The following TTC6 variants were observed in gnomAD, a reference collection of about 807,000 sequenced individuals.
TTC6 encodes the protein tetratricopeptide repeat protein 6.
Under a neutral mutation model 210.4 loss-of-function variants are expected in TTC6, and 172 were observed. The ratio of observed to expected loss-of-function variants is 0.82; its 90% CI spans 0.72 to 0.93. The LOEUF is 0.93. Ranked by LOEUF, TTC6 falls within the 40% of genes least tolerant of loss-of-function variation. The pLI, the probability that TTC6 is intolerant of heterozygous loss-of-function variation, is 0.00. For missense variants in TTC6, 2,414 were observed against 2,318.1 expected, an observed-to-expected ratio of 1.04 and a Z score of -0.85; for synonymous variants, 804 against 819.6, an observed-to-expected ratio of 0.98 and a Z score of 0.32.
intron 22 of TTC6, 45 bp downstream of exon 24, chr14:37,806,555 G>A (rs1391941158): frequency 2.4e-5 from 35 of 1,430,438 alleles, no homozygotes; most frequent in Non-Finnish European, 2.9e-5. Context: ...TGTTAAGTTT[G>A]GTAAAACTAT....
chr14:37,596,847 T>A (rs72674255), intron 1 of TTC6, among the ~76,000 whole-genome samples: 1 of 152,220 alleles, frequency 6.6e-6, no homozygotes, highest in Non-Finnish European at 1.5e-5. Flanking sequence ...GATACCTTTT[T>A]CCCTGTGCTT....
At chr14:37,701,654 G>GT (rs1219277774) in intron 5 of TTC6, 128 bp downstream of exon 7, 6 of 781,378 alleles carry the variant, frequency 7.7e-6, no homozygotes, top group Middle Eastern at 3.8e-4. Context: ...AGCAGTTTTT[G>GT]TTTTTTTCTG....
intron 1 of TTC6, among the ~76,000 whole-genome samples, chr14:37,672,211 T>C (rs995582737): frequency 3.9e-5 from 6 of 152,114 alleles, no homozygotes; most frequent in Non-Finnish European, 8.8e-5. Flanking sequence ...AGAACTGCAT[T>C]TCCCCTCCCT....
Position 37,767,248 on chromosome 14 carries a change from C to T in TTC6, c.3266+14013C>T, listed in dbSNP as rs58095007. Among the ~76,000 whole-genome samples, 8 of 152,166 alleles carry T rather than the reference C, an allele frequency of 5.3e-5. 1 individual carries two copies. The East Asian group carries it at 5.8e-4, about 11-fold the overall frequency. On this transcript the variant is annotated intron_variant, in intron 14 of 30. Transcript: ENST00000553443. ...AAGTCTTTGCTATTGTGAATAATGC[C>T]GCAGTAAACATACGTGTGCCTGTGT...
At chr14:37,827,287 C>A (rs1416117254) in exon 29 of TTC6, 5 of 1,613,298 alleles carry the variant, frequency 3.1e-6, no homozygotes, top group Middle Eastern at 1.7e-4. Context: ...TACCAAGATG[C>A]AATTACTCTA....
rs532801900 is a variant in TTC6, at chr14:37,665,456, A to T, written c.940-14695A>T. 1.3e-5 allele frequency among the ~76,000 whole-genome samples: 2 copies of T among 150,394 alleles called. 1 individual carries two copies. The highest frequency in any genetic ancestry group is 3.0e-5 in the Non-Finnish European group (2 of 66,984). The stretch of plus-strand genomic sequence containing the variant: ...AGTGGGAGCTGAATGATGAGAACAC[A>T]TGGACACATTGAGGGAGAACAACAC... On this transcript the variant is annotated intron_variant, in intron 1 of 30. Transcript: ENST00000553443.
chr14:37,732,283 C>T (rs1238888329), intron 7 of TTC6, among the ~76,000 whole-genome samples: 4 of 147,886 alleles, frequency 2.7e-5, no homozygotes, highest in South Asian at 2.2e-4. Flanking sequence ...CCTGGTTTCA[C>T]GCCATTCTCC....
intron 14 of TTC6, among the ~76,000 whole-genome samples, chr14:37,771,370 G>A (rs924583913): frequency 2.6e-4 from 40 of 152,216 alleles, no homozygotes; most frequent in Admixed American, 7.2e-4. Context: ...GACTGGGGAA[G>A]TTCTCCTGGA....
At chr14:37,648,113 C>T (rs1037884639) in intron 1 of TTC6, among the ~76,000 whole-genome samples, 3 of 152,024 alleles carry the variant, frequency 2.0e-5, no homozygotes, top group Non-Finnish European at 4.4e-5. Context: ...TGTTTATTAC[C>T]ATATTGGTTT....
At chr14:37,698,620 C>T (rs529597281) in intron 4 of TTC6, among the ~76,000 whole-genome samples, 3 of 152,238 alleles carry the variant, frequency 2.0e-5, no homozygotes, top group Non-Finnish European at 2.9e-5. Context: ...AATGTTTAGA[C>T]TTACCTCTCT....
chr14:37,768,034 C>A (rs1256458738), intron 14 of TTC6, among the ~76,000 whole-genome samples: 1 of 150,526 alleles, frequency 6.6e-6, no homozygotes, highest in Non-Finnish European at 1.5e-5. Context: ...GCCAGTTTTC[C>A]CAGCACCATT....
chr14:37,817,436 AT>A, intron 25 of TTC6, 141 bp from the exon 28 acceptor site: 1 of 670,450 alleles, frequency 1.5e-6, no homozygotes, highest in Non-Finnish European at 2.5e-6. Flanking sequence ...AAAGATGTGT[AT>A]TTTAATGCTT....
upstream of TTC6, among the ~76,000 whole-genome samples, chr14:37,619,364 T>C (rs944832821): frequency 1.3e-5 from 2 of 152,214 alleles, no homozygotes; most frequent in African/African-American, 4.8e-5. Context: ...TTCTTCATAC[T>C]ATCAAACATC....
At chr14:37,817,353 T>C (rs2096144506) in intron 25 of TTC6, among the ~76,000 whole-genome samples, 1 of 152,184 alleles carries the variant, frequency 6.6e-6, no homozygotes, top group African/African-American at 2.4e-5. Flanking sequence ...TGAGTGAGTC[T>C]ACAATAATAG....
intron 5 of TTC6, among the ~76,000 whole-genome samples, chr14:37,704,888 C>A (rs1296967751): frequency 2.6e-5 from 4 of 152,036 alleles, no homozygotes; most frequent in African/African-American, 7.2e-5. Flanking sequence ...ATAAGAAGAA[C>A]ATATTTTAAA....
At chr14:37,702,802 A>T (rs2095828025) in intron 5 of TTC6, among the ~76,000 whole-genome samples, 1 of 152,176 alleles carries the variant, frequency 6.6e-6, no homozygotes, top group East Asian at 1.9e-4. Context: ...GCATCCTTTC[A>T]TGAATTAAAA....
At chr14:37,626,557 A>G (rs1026167647) in intron 1 of TTC6, among the ~76,000 whole-genome samples, 33 of 152,188 alleles carry the variant, frequency 2.2e-4, no homozygotes, top group Non-Finnish European at 7.3e-5. Flanking sequence ...AACCCTGAAC[A>G]TTATATATAA....
intron 6 of TTC6, among the ~76,000 whole-genome samples, chr14:37,722,502 T>G (rs1226029959): frequency 6.6e-6 from 1 of 152,156 alleles, no homozygotes. Flanking sequence ...CACATGCCAT[T>G]ACACCTGGCT....
exon 23 of TTC6, chr14:37,807,459 A>G: frequency 2.0e-6 from 3 of 1,483,820 alleles, no homozygotes; most frequent in Non-Finnish European, 2.7e-6. Context: ...TACTACAACA[A>G]GGTAGGGCCA....
Sources: allele counts gnomAD v4.1 joint callset (sites outside exome capture counted in the v4.1 genomes callset), GRCh38; gene constraint gnomAD v4.1.1; transcripts MANE v1.5; gene names NCBI Gene and HGNC (gene_info 2026-07-23, HGNC 2026-07-21).